Variants in PPARGC1A observed in about 807,000 individuals in gnomAD.
PPARGC1A encodes the protein peroxisome proliferator-activated receptor gamma coactivator 1-alpha.
In PPARGC1A, 25 loss-of-function variants were observed where a neutral mutation model predicts 88.7. That is an observed-to-expected ratio of 0.28 (90% CI 0.21 to 0.39). The LOEUF (loss-of-function observed/expected upper bound fraction) is 0.39. Among genes scored for constraint, PPARGC1A ranks in the 10% least tolerant of loss-of-function variants. PPARGC1A has a pLI of 1.00. For missense variants in PPARGC1A, 880 were observed against 968.7 expected, an observed-to-expected ratio of 0.91 and a Z score of 1.22; for synonymous variants, 363 against 355.6, an observed-to-expected ratio of 1.02 and a Z score of -0.24.
chr4:24,035,099 A>C, the PPARGC1A span, among the ~76,000 whole-genome samples: 2 of 152,220 alleles, frequency 1.3e-5, no homozygotes, highest in Non-Finnish European at 1.5e-5. Context: ...AGAGCAATAC[A>C]TGATATCCGG....
the PPARGC1A span, among the ~76,000 whole-genome samples, chr4:24,092,248 C>T: frequency 6.6e-6 from 1 of 152,040 alleles, no homozygotes; most frequent in Non-Finnish European, 1.5e-5. Context: ...AGGCCTCAAC[C>T]CCTTTTCTAA....
chr4:24,114,221 G>C, the PPARGC1A span, among the ~76,000 whole-genome samples: 2 of 151,776 alleles, frequency 1.3e-5, no homozygotes, highest in African/African-American at 4.8e-5. Context: ...CCTAGCTCCT[G>C]TTAAGTAAAA....
At chr4:24,317,408 G>C in the PPARGC1A span, among the ~76,000 whole-genome samples, 1 of 151,568 alleles carries the variant, frequency 6.6e-6, no homozygotes, top group Non-Finnish European at 1.5e-5. Flanking sequence ...TTCCATGATA[G>C]ACATTTGTAC....
At chr4:24,116,082 T>C in the PPARGC1A span, among the ~76,000 whole-genome samples, 1 of 152,190 alleles carries the variant, frequency 6.6e-6, no homozygotes, top group African/African-American at 2.4e-5. Flanking sequence ...TAGAGCACAC[T>C]TGTGCATTTA....
intron 2 of PPARGC1A, among the ~76,000 whole-genome samples, chr4:23,860,664 C>T (rs1162121351): frequency 6.6e-6 from 1 of 152,108 alleles, no homozygotes; most frequent in Non-Finnish European, 1.5e-5. Context: ...AGATTACAAG[C>T]AATGCTATTG....
At chr4:24,339,575 G>A in the PPARGC1A span, among the ~76,000 whole-genome samples, 1 of 152,066 alleles carries the variant, frequency 6.6e-6, no homozygotes, top group South Asian at 2.1e-4. Flanking sequence ...GTTCCACCAT[G>A]TGGATCCATG....
chr4:23,927,179 A>T, the PPARGC1A span, among the ~76,000 whole-genome samples: 1 of 152,214 alleles, frequency 6.6e-6, no homozygotes, highest in Non-Finnish European at 1.5e-5. Context: ...TTTATAATAA[A>T]ATGTAATTTA....
the PPARGC1A span, among the ~76,000 whole-genome samples, chr4:24,179,480 T>TTCTC: frequency 6.6e-6 from 1 of 151,456 alleles, no homozygotes; most frequent in Admixed American, 6.6e-5. Context: ...CTCTTCCATG[T>TTCTC]TCTCTCTCTC....
chr4:24,079,053 T>C, the PPARGC1A span, among the ~76,000 whole-genome samples: 1 of 152,100 alleles, frequency 6.6e-6, no homozygotes, highest in Non-Finnish European at 1.5e-5. Context: ...ATTGGAAATT[T>C]AGAATGAATC....
chr4:23,802,007 G>T, intron 11 of PPARGC1A, 126 bp from the exon 12 acceptor site: 1 of 1,320,996 alleles, frequency 7.6e-7, no homozygotes, highest in Non-Finnish European at 1.0e-6. Flanking sequence ...TTATCAGTGT[G>T]ATTGTCCTGT....
At chr4:24,438,172 T>G in the PPARGC1A span, among the ~76,000 whole-genome samples, 9 of 152,236 alleles carry the variant, frequency 5.9e-5, no homozygotes, top group African/African-American at 1.7e-4. Flanking sequence ...ATGACAGCCC[T>G]TGGGGATAGA....
At chr4:24,127,846 A>C in the PPARGC1A span, among the ~76,000 whole-genome samples, 3 of 152,156 alleles carry the variant, frequency 2.0e-5, no homozygotes, top group Non-Finnish European at 4.4e-5. Context: ...ATAGAAAAAA[A>C]ATAGTAAGGA....
rs201150983 is a variant in PPARGC1A, at chr4:23,807,741, GTGTGTGTGTGTGTA to G, written c.2019+4992_2019+5005del. On this transcript the variant is annotated intron_variant, in intron 10 of 12. Coordinates refer to ENST00000264867, the MANE Select transcript of PPARGC1A (RefSeq NM_013261.5). ...TGTGTTGTGTTTTTTTCTTTTGTGT[GTGTGTGTGTGTGTA>G]TGTGTGTGTGTGTGAATAACATGAA... 7.6e-3 allele frequency among the ~76,000 whole-genome samples: 1,146 copies of G among 151,354 alleles called. 11 individuals carry two copies. Among genetic ancestry groups the G allele is most frequent in the African/African-American group, 0.024 (985 of 40,854 alleles).
At chr4:23,915,011 A>T in the PPARGC1A span, among the ~76,000 whole-genome samples, 1 of 152,206 alleles carries the variant, frequency 6.6e-6, no homozygotes, top group Non-Finnish European at 1.5e-5. Context: ...ATCCATCAAC[A>T]TTCATGGCTC....
the PPARGC1A span, among the ~76,000 whole-genome samples, chr4:24,013,271 C>T: frequency 6.6e-6 from 1 of 152,046 alleles, no homozygotes; most frequent in African/African-American, 2.4e-5. Context: ...AAAATTCTAC[C>T]CAATTTCAAA....
chr4:24,256,811 C>T, the PPARGC1A span, among the ~76,000 whole-genome samples: 1 of 152,108 alleles, frequency 6.6e-6, no homozygotes, highest in Non-Finnish European at 1.5e-5. Flanking sequence ...TCATTGTCTT[C>T]CGAAACTTTG....
At chr4:24,153,833 C>T in the PPARGC1A span, among the ~76,000 whole-genome samples, 3 of 151,964 alleles carry the variant, frequency 2.0e-5, no homozygotes, top group Admixed American at 6.6e-5. Context: ...AAATTGTTAC[C>T]GAACTGGGCC....
chr4:24,014,380 G>T, the PPARGC1A span, among the ~76,000 whole-genome samples: 4 of 152,164 alleles, frequency 2.6e-5, no homozygotes, highest in Admixed American at 2.6e-4. Flanking sequence ...TGAACACACA[G>T]ATCTTTTGAT....
chr4:23,830,904 A>G (rs1430245231), intron 3 of PPARGC1A, among the ~76,000 whole-genome samples: 1 of 152,194 alleles, frequency 6.6e-6, no homozygotes, highest in Non-Finnish European at 1.5e-5. Context: ...CAAACGTGCT[A>G]TAGTTTTTCA....
Sources: gnomAD v4.1 joint callset for allele counts (sites outside exome capture counted in the v4.1 genomes callset) on GRCh38, gnomAD v4.1.1 for gene constraint, MANE v1.5 for transcripts, NCBI Gene and HGNC (gene_info 2026-07-23, HGNC 2026-07-21) for gene names.